Variants in CTNNA3 observed in about 807,000 individuals in gnomAD.
CTNNA3 encodes catenin alpha 3, also known as catenin alpha-3.
CTNNA3 carries 76 observed loss-of-function variants against 95.7 expected under a neutral mutation model. That is an observed-to-expected ratio of 0.79 (90% confidence interval 0.66 to 0.96). The LOEUF is 0.96. Ranked by LOEUF, CTNNA3 falls within the 40% of genes least tolerant of loss-of-function variation. The pLI, the probability that CTNNA3 is intolerant of heterozygous loss-of-function variation, is 0.00. For synonymous variants in CTNNA3, 431 were observed against 374.4 expected (o/e 1.15, Z -1.74); for missense variants, 1,191 against 1,089.8 (o/e 1.09, Z -1.31).
intron 5 of CTNNA3, among the ~76,000 whole-genome samples, chr10:67,445,044 T>G (rs1346313793): frequency 6.6e-6 from 1 of 151,540 alleles, no homozygotes; most frequent in Admixed American, 6.6e-5. Context: ...CCAATTCTGC[T>G]CAAACTACTC....
intron 12 of CTNNA3, among the ~76,000 whole-genome samples, chr10:66,305,594 T>C (rs1307687806): frequency 6.6e-6 from 1 of 152,166 alleles, no homozygotes; most frequent in Non-Finnish European, 1.5e-5. Context: ...CCTTATACTT[T>C]TCTAGGTGCT....
intron 7 of CTNNA3, among the ~76,000 whole-genome samples, chr10:67,094,395 A>G (rs1303139340): frequency 1.3e-5 from 2 of 151,870 alleles, no homozygotes; most frequent in African/African-American, 2.4e-5. Flanking sequence ...TTTTCATTCT[A>G]CATATTTTAA....
chr10:67,375,430 ACC>A (rs972254015), intron 5 of CTNNA3, among the ~76,000 whole-genome samples: 1 of 152,104 alleles, frequency 6.6e-6, no homozygotes. Flanking sequence ...ACATGGCGAA[ACC>A]CTGTCTCTGC....
intron 11 of CTNNA3, among the ~76,000 whole-genome samples, chr10:66,517,296 AG>A (rs1015823804): frequency 1.3e-5 from 2 of 152,140 alleles, no homozygotes; most frequent in Admixed American, 6.6e-5. Context: ...CATCTTGAAT[AG>A]GAGCTTGGTA....
intron 4 of CTNNA3, among the ~76,000 whole-genome samples, chr10:67,524,413 A>G (rs1402297759): frequency 3.5e-4 from 47 of 135,872 alleles, no homozygotes; most frequent in African/African-American, 1.3e-3. Context: ...AAAAAAAAAA[A>G]AAAAAAAGAG....
intron 10 of CTNNA3, among the ~76,000 whole-genome samples, chr10:66,615,212 C>G (rs1844467936): frequency 6.6e-6 from 1 of 151,998 alleles, no homozygotes; most frequent in South Asian, 2.1e-4. Context: ...AGCTAAGTAT[C>G]ATAACCATTT....
At chr10:66,808,181 GT>G (rs1841732274) in intron 7 of CTNNA3, among the ~76,000 whole-genome samples, 1 of 152,122 alleles carries the variant, frequency 6.6e-6, no homozygotes, top group South Asian at 2.1e-4. Flanking sequence ...GTTAAGCAGT[GT>G]GCTGTGACTG....
At chr10:67,114,711 T>G (rs1423837803) in intron 7 of CTNNA3, among the ~76,000 whole-genome samples, 2 of 50,364 alleles carry the variant, frequency 4.0e-5, no homozygotes, top group Non-Finnish European at 9.0e-5. Flanking sequence ...TTCTTAAAGG[T>G]GTGTGTGTGT....
intron 14 of CTNNA3, among the ~76,000 whole-genome samples, chr10:66,082,221 C>T (rs1289525559): frequency 1.3e-5 from 2 of 150,974 alleles, no homozygotes; most frequent in African/African-American, 2.4e-5. Context: ...AGCCAGCAAC[C>T]AACACCAAAT....
intron 13 of CTNNA3, among the ~76,000 whole-genome samples, chr10:66,164,355 T>C (rs1419913208): frequency 6.6e-6 from 1 of 152,180 alleles, no homozygotes; most frequent in East Asian, 1.9e-4. Context: ...CCTGCATTTG[T>C]ACATTTGGGC....
intron 7 of CTNNA3, among the ~76,000 whole-genome samples, chr10:66,810,997 G>A (rs1181194670): frequency 6.6e-6 from 1 of 152,030 alleles, no homozygotes; most frequent in African/African-American, 2.4e-5. Flanking sequence ...AGACTCAGTT[G>A]GGTTTCAGTG....
chr10:66,033,597 T>C (rs1218752617), intron 15 of CTNNA3, among the ~76,000 whole-genome samples: 1 of 152,178 alleles, frequency 6.6e-6, no homozygotes, highest in Non-Finnish European at 1.5e-5. Flanking sequence ...TTATGCACTT[T>C]CCTGGACTGA....
intron 1 of CTNNA3, among the ~76,000 whole-genome samples, chr10:67,726,446 A>G (rs974927860): frequency 1.1e-4 from 2 of 18,042 alleles, no homozygotes; most frequent in East Asian, 2.3e-3. Context: ...TATAATATAT[A>G]ATATTATATA....
At chr10:66,973,305 T>C (rs1168575345) in intron 7 of CTNNA3, among the ~76,000 whole-genome samples, 1 of 152,174 alleles carries the variant, frequency 6.6e-6, no homozygotes, top group African/African-American at 2.4e-5. Context: ...GAAGAAAATT[T>C]CATAATATTC....
At chr10:66,475,226 A>G (rs10997158) in intron 11 of CTNNA3, among the ~76,000 whole-genome samples, 9,408 of 152,116 alleles carry the variant, frequency 0.062, 608 homozygotes, top group African/African-American at 0.16. Flanking sequence ...ACAGAAGAAC[A>G]AAACTAAGCT....
At chr10:67,570,399 A>C (rs950058686) in intron 3 of CTNNA3, among the ~76,000 whole-genome samples, 5 of 152,030 alleles carry the variant, frequency 3.3e-5, no homozygotes, top group African/African-American at 1.2e-4. Context: ...TCTCATGTAA[A>C]GTTCCACTGC....
At chr10:67,331,396 G>A (rs1267834583) in intron 5 of CTNNA3, among the ~76,000 whole-genome samples, 2 of 152,112 alleles carry the variant, frequency 1.3e-5, no homozygotes, top group Non-Finnish European at 2.9e-5. Context: ...AAGTCACAGG[G>A]AATTATCACA....
At chr10:67,069,495 AATAC>A (rs1425253715) in intron 7 of CTNNA3, among the ~76,000 whole-genome samples, 10 of 152,264 alleles carry the variant, frequency 6.6e-5, no homozygotes, top group African/African-American at 2.2e-4. Context: ...TCATAAACTG[AATAC>A]ATCTATGTAA....
chr10:66,410,197 T>C (rs188138010), intron 11 of CTNNA3, among the ~76,000 whole-genome samples: 9 of 152,246 alleles, frequency 5.9e-5, no homozygotes, highest in Admixed American at 1.3e-4. Flanking sequence ...AATAATCAGA[T>C]CAAAAAGATA....
Sources: gnomAD v4.1 joint callset for allele counts (sites outside exome capture counted in the v4.1 genomes callset) on GRCh38, gnomAD v4.1.1 for gene constraint, MANE v1.5 for transcripts, NCBI Gene and HGNC (gene_info 2026-07-23, HGNC 2026-07-21) for gene names.